The following PPARGC1A variants were observed in gnomAD, a reference collection of about 807,000 sequenced individuals.
The protein encoded by PPARGC1A is peroxisome proliferator-activated receptor gamma coactivator 1-alpha.
Under a neutral mutation model 88.7 loss-of-function variants are expected in PPARGC1A, and 25 were observed. The observed-to-expected ratio is 0.28, with a 90% confidence interval of 0.21 to 0.39. PPARGC1A has a LOEUF of 0.39. Among genes scored for constraint, PPARGC1A ranks in the 10% least tolerant of loss-of-function variants. PPARGC1A has a pLI of 1.00. For missense variants in PPARGC1A, 880 were observed against 968.7 expected, an observed-to-expected ratio of 0.91 and a Z score of 1.22; for synonymous variants, 363 against 355.6, an observed-to-expected ratio of 1.02 and a Z score of -0.24.
rs1257244510 is a variant in PPARGC1A at position 23,794,749 on chromosome 4, A to C, written c.*1073T>G. On this transcript the variant is annotated 3_prime_UTR_variant, in exon 13 of 13. Transcript: ENST00000264867. ...CTCCATTTAACATCTGTAAATACTT[A>C]ACTACATCAGAGAATGTAGCAATTA... 2 of 152,542 alleles carry C rather than the reference A, an allele frequency of 1.3e-5. No homozygotes were observed. Among genetic ancestry groups the C allele is most frequent in the Non-Finnish European group, 2.9e-5 (2 of 68,038 alleles). 9.4% of individuals were successfully genotyped at this position (152,542 alleles called of 1,614,324 possible). A position where few individuals can be genotyped will look rare whatever the true frequency, so the allele number is the denominator to read the frequency against.
the PPARGC1A span, among the ~76,000 whole-genome samples, chr4:24,092,274 G>T: frequency 8.6e-5 from 13 of 152,042 alleles, no homozygotes; most frequent in Non-Finnish European, 1.6e-4. Context: ...TATACGAAAT[G>T]ATCAGAGGCT....
chr4:24,105,315 T>C, the PPARGC1A span, among the ~76,000 whole-genome samples: 1 of 152,100 alleles, frequency 6.6e-6, no homozygotes, highest in Non-Finnish European at 1.5e-5. Flanking sequence ...AAGCAAACCT[T>C]CTAATGGGAC....
At chr4:24,288,221 C>G in the PPARGC1A span, among the ~76,000 whole-genome samples, 14 of 152,206 alleles carry the variant, frequency 9.2e-5, no homozygotes, top group African/African-American at 3.4e-4. Flanking sequence ...CCTTCAGCAG[C>G]TGACCACTCC....
intron 1 of PPARGC1A, 22 bp from the exon 2 acceptor site, chr4:23,884,953 A>C: frequency 1.3e-6 from 2 of 1,526,118 alleles, no homozygotes; most frequent in Non-Finnish European, 8.8e-7. Flanking sequence ...AGAAAAAAAA[A>C]ATTTAAAAAA....
chr4:24,042,396 A>G, the PPARGC1A span, among the ~76,000 whole-genome samples: 5 of 152,208 alleles, frequency 3.3e-5, no homozygotes, highest in Non-Finnish European at 7.3e-5. Context: ...GCATCTTTCT[A>G]TAGATGAAAG....
chr4:24,275,537 AG>A, the PPARGC1A span, among the ~76,000 whole-genome samples: 2 of 152,260 alleles, frequency 1.3e-5, no homozygotes, highest in African/African-American at 4.8e-5. Context: ...GATAATTGCT[AG>A]GGACAGGTAT....
the PPARGC1A span, among the ~76,000 whole-genome samples, chr4:24,227,747 C>G: frequency 6.6e-6 from 1 of 152,136 alleles, no homozygotes; most frequent in Non-Finnish European, 1.5e-5. Context: ...GCCTAAGATT[C>G]CAGCATCCTC....
At chr4:24,300,315 T>C in the PPARGC1A span, among the ~76,000 whole-genome samples, 7 of 136,220 alleles carry the variant, frequency 5.1e-5, no homozygotes, top group African/African-American at 1.9e-4. Context: ...TATTTTTCTA[T>C]ACAATAGCAT....
chr4:24,263,434 T>C, the PPARGC1A span, among the ~76,000 whole-genome samples: 1 of 139,908 alleles, frequency 7.1e-6, no homozygotes, highest in Non-Finnish European at 1.5e-5. Flanking sequence ...AAATGACATA[T>C]GTATACACAC....
chr4:23,962,107 C>T, the PPARGC1A span, among the ~76,000 whole-genome samples: 1 of 150,958 alleles, frequency 6.6e-6, no homozygotes, highest in African/African-American at 2.5e-5. Context: ...TCCATAACCC[C>T]TCTTCTCATC....
the PPARGC1A span, among the ~76,000 whole-genome samples, chr4:23,952,138 A>G: frequency 5.3e-5 from 8 of 152,112 alleles, no homozygotes; most frequent in African/African-American, 1.9e-4. Context: ...AGAATCTACC[A>G]CTAGAAGAAA....
intron 2 of PPARGC1A, among the ~76,000 whole-genome samples, chr4:23,876,561 A>G (rs1298499753): frequency 6.6e-6 from 1 of 152,132 alleles, no homozygotes; most frequent in Non-Finnish European, 1.5e-5. Context: ...CTGATAAATC[A>G]TGCTGATTTG....
the PPARGC1A span, among the ~76,000 whole-genome samples, chr4:24,463,258 A>G: frequency 6.6e-6 from 1 of 152,226 alleles, no homozygotes; most frequent in African/African-American, 2.4e-5. Flanking sequence ...TCAAAATTAA[A>G]TGATCCACTC....
the PPARGC1A span, among the ~76,000 whole-genome samples, chr4:24,180,888 A>G: frequency 4.6e-5 from 7 of 152,340 alleles, no homozygotes; most frequent in South Asian, 1.4e-3. Flanking sequence ...GATCCTCAAC[A>G]TAAGCTTTTA....
At chr4:24,019,615 C>G in the PPARGC1A span, among the ~76,000 whole-genome samples, 1 of 152,222 alleles carries the variant, frequency 6.6e-6, no homozygotes, top group African/African-American at 2.4e-5. Flanking sequence ...TTTCCCAGCA[C>G]TGTCCAGAAA....
At chr4:24,135,489 T>C in the PPARGC1A span, among the ~76,000 whole-genome samples, 1 of 152,104 alleles carries the variant, frequency 6.6e-6, no homozygotes, top group African/African-American at 2.4e-5. Context: ...CTCTTTGGCA[T>C]TTTCTCCTCT....
At chr4:24,355,111 G>A in the PPARGC1A span, among the ~76,000 whole-genome samples, 2 of 152,094 alleles carry the variant, frequency 1.3e-5, no homozygotes, top group African/African-American at 4.8e-5. Context: ...TGTTTGTCAC[G>A]ACATTATCTC....
the PPARGC1A span, among the ~76,000 whole-genome samples, chr4:24,036,001 A>G: frequency 6.6e-6 from 1 of 152,186 alleles, no homozygotes; most frequent in South Asian, 2.1e-4. Context: ...AAAGTGTTTT[A>G]GAATGTGGAC....
At chr4:24,225,033 AGAG>A in the PPARGC1A span, among the ~76,000 whole-genome samples, 2 of 152,122 alleles carry the variant, frequency 1.3e-5, no homozygotes, top group African/African-American at 4.8e-5. Context: ...ATGAGCACAG[AGAG>A]GGAGGGGCTG....
Sources: allele counts gnomAD v4.1 joint callset (sites outside exome capture counted in the v4.1 genomes callset), GRCh38; gene constraint gnomAD v4.1.1; transcripts MANE v1.5; gene names NCBI Gene and HGNC (gene_info 2026-07-23, HGNC 2026-07-21).